The following PSMA8 variants were observed in gnomAD, a reference collection of about 807,000 sequenced individuals.
PSMA8 encodes proteasome subunit alpha-type 8.
Under a neutral mutation model 32.4 loss-of-function variants are expected in PSMA8, and 18 were observed. That is an observed-to-expected ratio of 0.56 (90% confidence interval 0.38 to 0.82). The LOEUF (loss-of-function observed/expected upper bound fraction) is 0.82, where lower values mean the gene tolerates loss of function less well. Ranked by LOEUF, PSMA8 falls within the 40% of genes least tolerant of loss-of-function variation. The pLI is 0.00. For missense variants in PSMA8, 298 were observed against 300.7 expected (o/e 0.99, Z 0.07); for synonymous variants, 104 against 98.1 (o/e 1.06, Z -0.36).
At chr18:26,164,968 A>G (rs958874532) in intron 4 of PSMA8, among the ~76,000 whole-genome samples, 1 of 151,896 alleles carries the variant, frequency 6.6e-6, no homozygotes, top group African/African-American at 2.4e-5. Context: ...CCCAGGCTGG[A>G]GTGCAATGGT....
intron 4 of PSMA8, among the ~76,000 whole-genome samples, chr18:26,165,612 A>G (rs2055172582): frequency 6.6e-6 from 1 of 152,106 alleles, no homozygotes; most frequent in Non-Finnish European, 1.5e-5. Context: ...TCCATCATTC[A>G]ACAACAGTAT....
chr18:26,171,500 G>A (rs1233952583), intron 4 of PSMA8, among the ~76,000 whole-genome samples: 2 of 152,204 alleles, frequency 1.3e-5, no homozygotes, highest in Non-Finnish European at 2.9e-5. Flanking sequence ...TTGGGAGGCC[G>A]AAGCGGGTGG....
Position 26,192,332 on chromosome 18 carries a change from A to G in PSMA8, c.674A>G (p.Lys225Arg), listed in dbSNP as rs760790254. ...RNQPLKMFSA[K>R]EVELYVTEIE... Reference sequence around the variant, plus strand: ...TTCTCTTTTCAGATGTTTAGTGCAAAAGAAGTTGAATTATATGTAACTGAA... The same window carrying G: ...TTCTCTTTTCAGATGTTTAGTGCAAGAGAAGTTGAATTATATGTAACTGAA... Residue 225 changes from lysine to arginine, a missense_variant, in exon 7 of 7, where the codon AAA becomes AGA. Lys to Arg is a conservative substitution (Grantham distance 26, BLOSUM62 2). Coordinates refer to ENST00000415576, the MANE Select transcript of PSMA8 (RefSeq NM_001025096.2). 5.3e-6 allele frequency: 8 copies of G among 1,513,248 alleles called. No homozygotes were observed. In the Admixed American group the frequency reaches 2.2e-4, roughly 41 times the overall value. 93.7% of individuals were successfully genotyped at this position (1,513,248 alleles called of 1,614,324 possible).
intron 6 of PSMA8, among the ~76,000 whole-genome samples, chr18:26,186,248 CAAAAAAAAAAAAA>C (rs534639436): frequency 1.5e-3 from 43 of 27,844 alleles, no homozygotes; most frequent in African/African-American, 2.4e-3. Flanking sequence ...GACTCTGTCT[CAAAAAAAAAAAAA>C]AAAAAAAAAA....
chr18:26,152,732 T>C (rs886919540), intron 3 of PSMA8, among the ~76,000 whole-genome samples: 2 of 152,224 alleles, frequency 1.3e-5, no homozygotes, highest in African/African-American at 4.8e-5. Flanking sequence ...TGGGGACTAA[T>C]GGGAGGAGTT....
At chr18:26,183,400 A>G (rs1318401074) in intron 6 of PSMA8, among the ~76,000 whole-genome samples, 7 of 150,594 alleles carry the variant, frequency 4.6e-5, no homozygotes, top group Non-Finnish European at 1.0e-4. Context: ...TAAAAAAAAA[A>G]AAATTAACAA....
At chr18:26,154,836 C>T (rs1195808636) in intron 3 of PSMA8, among the ~76,000 whole-genome samples, 2 of 151,972 alleles carry the variant, frequency 1.3e-5, no homozygotes, top group African/African-American at 2.4e-5. Context: ...AGGATGGTCT[C>T]GATTTCCTGA....
chr18:26,136,573 C>G (rs2054913036), intron 1 of PSMA8, among the ~76,000 whole-genome samples: 1 of 152,214 alleles, frequency 6.6e-6, no homozygotes, highest in Admixed American at 6.5e-5. Flanking sequence ...ACAATCTCTG[C>G]ACACTTGTCC....
At chr18:26,177,144 T>C (rs889447138) in intron 4 of PSMA8, among the ~76,000 whole-genome samples, 8 of 152,210 alleles carry the variant, frequency 5.3e-5, no homozygotes, top group African/African-American at 1.7e-4. Context: ...GCTTACTCTC[T>C]GCATGATCTT....
At chr18:26,173,198 G>A (rs2055237777) in intron 4 of PSMA8, among the ~76,000 whole-genome samples, 1 of 152,102 alleles carries the variant, frequency 6.6e-6, no homozygotes, top group African/African-American at 2.4e-5. Context: ...CCAACCCGAA[G>A]CTTATTAACT....
rs532434988 is a variant in PSMA8, at chr18:26,185,743, G to A, written c.661-6576G>A. On this transcript the variant is annotated intron_variant, in intron 6 of 6. Coordinates refer to ENST00000415576, the MANE Select transcript of PSMA8 (RefSeq NM_001025096.2). ...GAAAATTATTTTAAAATAGACTTGCGTCTGGTTTTAAACCAGTTTTGCCAA... is the reference window on the plus strand; with the variant it reads ...GAAAATTATTTTAAAATAGACTTGCATCTGGTTTTAAACCAGTTTTGCCAA... Among the ~76,000 whole-genome samples the A allele has an allele frequency of 6.0e-5, 9 of 150,940 alleles. No homozygotes were observed. In the South Asian group the frequency reaches 1.5e-3, roughly 24 times the overall value.
In PSMA8 at chr18:26,154,993, C is replaced by T. The variant is rs187926689; in HGVS notation, c.354+3011C>T. On this transcript the variant is annotated intron_variant, in intron 3 of 6. Transcript: ENST00000415576. ...CTGTAATCCCAGCACTTCGGGAGGC[C>T]AAGGTGGGCAGATCACTTGAGCCCA... is the stretch of plus-strand genomic sequence containing the variant. 2.6e-4 allele frequency among the ~76,000 whole-genome samples: 40 copies of T among 152,102 alleles called. No individual in the cohort carries two copies. In the East Asian group the frequency reaches 6.6e-3, roughly 25 times the overall value.
intron 6 of PSMA8, among the ~76,000 whole-genome samples, chr18:26,189,960 G>GC (rs1306794859): frequency 6.6e-5 from 10 of 152,120 alleles, no homozygotes; most frequent in Admixed American, 2.6e-4. Context: ...GTACTGTTCT[G>GC]CCCCCAAAAA....
rs966194599 is a variant in PSMA8 at position 26,134,148 on chromosome 18, C to T, written c.102+81C>T. ...TACCCTGCTGCCCCAGCCCACCTTTCCATCCTAGGAGCTCAAGAGAGGAGA... is the reference window on the plus strand; with the variant it reads ...TACCCTGCTGCCCCAGCCCACCTTTTCATCCTAGGAGCTCAAGAGAGGAGA... On this transcript the variant is annotated intron_variant, in intron 1 of 6. Transcript: ENST00000415576. The T allele has an allele frequency of 8.2e-6, 8 of 973,472 alleles. No individual in the cohort carries two copies. The East Asian group carries it at 1.9e-4, about 24-fold the overall frequency. 60.3% of individuals were successfully genotyped at this position (973,472 alleles called of 1,614,324 possible).
intron 1 of PSMA8, among the ~76,000 whole-genome samples, chr18:26,141,558 T>C (rs1243958690): frequency 6.6e-6 from 1 of 152,120 alleles, no homozygotes; most frequent in Admixed American, 6.5e-5. Context: ...AGTTTAACAT[T>C]TGTTCATTTG....
intron 1 of PSMA8, among the ~76,000 whole-genome samples, chr18:26,137,950 T>C (rs1444875571): frequency 1.3e-5 from 2 of 152,152 alleles, no homozygotes; most frequent in East Asian, 3.8e-4. Context: ...AAGAGTATTT[T>C]TGACAAAGGA....
chr18:26,189,751 C>T (rs1035732356), intron 6 of PSMA8, among the ~76,000 whole-genome samples: 2 of 152,070 alleles, frequency 1.3e-5, no homozygotes, highest in African/African-American at 4.8e-5. Flanking sequence ...CCTCAAAAAA[C>T]ATAAAATAAA....
intron 6 of PSMA8, among the ~76,000 whole-genome samples, chr18:26,182,776 G>A (rs2055321904): frequency 6.6e-6 from 1 of 152,092 alleles, no homozygotes; most frequent in Non-Finnish European, 1.5e-5. Context: ...ATCAGCCTGG[G>A]CAACATAGTT....
intron 1 of PSMA8, among the ~76,000 whole-genome samples, chr18:26,139,544 G>T (rs530055716): frequency 6.6e-6 from 1 of 152,134 alleles, no homozygotes; most frequent in South Asian, 2.1e-4. Flanking sequence ...ATTGATTTTG[G>T]CTGGAAATAA....
Sources: allele counts gnomAD v4.1 joint callset (sites outside exome capture counted in the v4.1 genomes callset), GRCh38; gene constraint gnomAD v4.1.1; transcripts MANE v1.5; gene names NCBI Gene and HGNC (gene_info 2026-07-23, HGNC 2026-07-21).